The following MEI4 variants were observed in gnomAD, a reference collection of about 807,000 sequenced individuals.
MEI4 encodes the protein meiotic double-stranded break formation protein 4.
In MEI4, 27 loss-of-function variants were observed where a neutral mutation model predicts 31.4. That is an observed-to-expected ratio of 0.86 (90% CI 0.63 to 1.19). The LOEUF is 1.19. Among genes scored for constraint, MEI4 ranks in the 50% most tolerant of loss-of-function variants. MEI4 has a pLI of 0.00. For synonymous variants in MEI4, 122 were observed against 145.4 expected (o/e 0.84, Z 1.16); for missense variants, 329 against 398.9 (o/e 0.82, Z 1.49).
At position 77,924,819 on chromosome 6, in the gene MEI4, G is replaced by GTGAC. The variant is rs767354479; in HGVS notation, c.*1478_*1481dup. On this transcript the variant is annotated 3_prime_UTR_variant, in exon 5 of 5. Coordinates refer to ENST00000684080, the MANE Select transcript of MEI4 (RefSeq NM_001322247.2). The stretch of plus-strand genomic sequence containing the variant: ...ATCAAATGGTCAAGCCCAAAGAAAA[G>GTGAC]TGACTGACAGGGGAGTAGACTTGAG... 4 of 151,878 alleles carry GTGAC rather than the reference G, an allele frequency of 2.6e-5. No individual in the cohort carries two copies. Among genetic ancestry groups the GTGAC allele is most frequent in the Admixed American group, 1.3e-4 (2 of 15,168 alleles). 9.4% of individuals were successfully genotyped at this position (151,878 alleles called of 1,614,324 possible). A position where few individuals can be genotyped will look rare whatever the true frequency, so the allele number is the denominator to read the frequency against.
Position 77,923,472 on chromosome 6 carries a change from T to G in MEI4, c.*126T>G. ...TAGAATTGATCTCTAAATATAATTATCAATTCAACTTAATGGTTAGTCTTA... is the reference window on the plus strand; with the variant it reads ...TAGAATTGATCTCTAAATATAATTAGCAATTCAACTTAATGGTTAGTCTTA... On this transcript the variant is annotated 3_prime_UTR_variant, in exon 5 of 5. Transcript: ENST00000684080. The G allele has an allele frequency of 2.6e-6, 2 of 761,022 alleles. No individual in the cohort carries two copies. The highest frequency in any genetic ancestry group is 1.8e-6 in the Non-Finnish European group (1 of 560,974). The allele number at this position is 761,022 out of a possible 1,614,324, so 47.1% of individuals were successfully genotyped here.
At chr6:77,794,145 A>C (rs889360858) in intron 3 of MEI4, among the ~76,000 whole-genome samples, 6 of 152,240 alleles carry the variant, frequency 3.9e-5, no homozygotes, top group African/African-American at 1.4e-4. Context: ...GGAATGCAGG[A>C]GTGGCTATAC....
At chr6:77,668,100 A>G (rs1022797342) in intron 1 of MEI4, among the ~76,000 whole-genome samples, 4 of 151,900 alleles carry the variant, frequency 2.6e-5, no homozygotes, top group African/African-American at 7.3e-5. Flanking sequence ...TCCACCACCA[A>G]ATTGAATGTT....
chr6:77,798,613 G>C (rs924925468), intron 3 of MEI4, among the ~76,000 whole-genome samples: 1 of 150,418 alleles, frequency 6.6e-6, no homozygotes, highest in Non-Finnish European at 1.5e-5. Flanking sequence ...TTTAGCATTA[G>C]GTATATCTCC....
At chr6:77,745,424 C>T (rs1767566412) in intron 2 of MEI4, among the ~76,000 whole-genome samples, 1 of 152,184 alleles carries the variant, frequency 6.6e-6, no homozygotes, top group South Asian at 2.1e-4. Context: ...AGCTAACTAT[C>T]CTAAATATAT....
At chr6:77,754,916 C>T (rs1403166004) in intron 2 of MEI4, among the ~76,000 whole-genome samples, 2 of 152,184 alleles carry the variant, frequency 1.3e-5, no homozygotes, top group Non-Finnish European at 2.9e-5. Context: ...AGGCCTCTCC[C>T]TTGACATGTG....
rs948094205 is a variant in MEI4, at chr6:77,690,829, T to C, written c.158T>C (p.Ile53Thr). The change falls in exon 2 of 5, where the codon ATC becomes ACC. Residue 53 changes from isoleucine (I) to threonine (T), a missense_variant. Physicochemically the swap from Ile to Thr is moderately conservative, Grantham distance 89. Transcript: ENST00000684080. ...EQSKWRSKVE[I>T]LEAEVMQLRQ... ...TCAAAATGGAGATCAAAAGTTGAAA[T>C]CTTGGAAGCTGAAGTTATGCAATTA... 1 of 1,231,586 alleles carries C rather than the reference T, an allele frequency of 8.1e-7. No individual in the cohort carries two copies. The highest frequency in any genetic ancestry group is 1.0e-6 in the Non-Finnish European group (1 of 987,434). The allele number at this position is 1,231,586 out of a possible 1,614,324, so 76.3% of individuals were successfully genotyped here. A position where few individuals can be genotyped will look rare whatever the true frequency, so the allele number is the denominator to read the frequency against.
chr6:77,678,469 A>G (rs1388017958), intron 1 of MEI4, among the ~76,000 whole-genome samples: 1 of 152,060 alleles, frequency 6.6e-6, no homozygotes, highest in Non-Finnish European at 1.5e-5. Context: ...GTTTCAGTCA[A>G]TGACAGAGTG....
intron 3 of MEI4, among the ~76,000 whole-genome samples, chr6:77,816,437 G>T (rs990755132): frequency 6.6e-6 from 1 of 152,106 alleles, no homozygotes; most frequent in Non-Finnish European, 1.5e-5. Context: ...ATTTAGTCAT[G>T]TTGAAACTTT....
At chr6:77,845,501 A>G (rs1360261816) in intron 4 of MEI4, among the ~76,000 whole-genome samples, 5 of 152,172 alleles carry the variant, frequency 3.3e-5, no homozygotes, top group African/African-American at 4.8e-5. Context: ...GTTATTTAAT[A>G]TATTTGGAAA....
intron 4 of MEI4, among the ~76,000 whole-genome samples, chr6:77,854,223 T>G (rs983767664): frequency 6.6e-6 from 1 of 152,078 alleles, no homozygotes; most frequent in Non-Finnish European, 1.5e-5. Flanking sequence ...ATCTAAATAA[T>G]AGATATTATT....
At chr6:77,730,623 T>G (rs1029775279) in intron 2 of MEI4, among the ~76,000 whole-genome samples, 1 of 151,666 alleles carries the variant, frequency 6.6e-6, no homozygotes, top group Non-Finnish European at 1.5e-5. Flanking sequence ...TTTATTTATT[T>G]ACTTTTATTT....
intron 2 of MEI4, among the ~76,000 whole-genome samples, chr6:77,748,833 G>C (rs945709359): frequency 2.0e-5 from 3 of 152,100 alleles, no homozygotes; most frequent in Non-Finnish European, 4.4e-5. Flanking sequence ...GAAGTTCAAA[G>C]TTCCCAGTAG....
chr6:77,817,678 A>T (rs1323979236), intron 3 of MEI4, among the ~76,000 whole-genome samples: 1 of 152,034 alleles, frequency 6.6e-6, no homozygotes, highest in African/African-American at 2.4e-5. Flanking sequence ...TATTTATGGG[A>T]TAAAATGTGA....
At chr6:77,898,627 A>G (rs1030968660) in intron 4 of MEI4, among the ~76,000 whole-genome samples, 3 of 152,100 alleles carry the variant, frequency 2.0e-5, no homozygotes, top group Admixed American at 6.6e-5. Flanking sequence ...GCTTCTGAAC[A>G]TGTCAGACTA....
intron 2 of MEI4, among the ~76,000 whole-genome samples, chr6:77,732,586 G>C (rs1166525157): frequency 6.6e-6 from 1 of 151,502 alleles, no homozygotes; most frequent in Non-Finnish European, 1.5e-5. Context: ...GGGACAATTT[G>C]ACTTCCTCTT....
chr6:77,819,026 C>G (rs973274707), intron 3 of MEI4, among the ~76,000 whole-genome samples: 1 of 152,166 alleles, frequency 6.6e-6, no homozygotes, highest in Non-Finnish European at 1.5e-5. Flanking sequence ...CCACCACACC[C>G]AGCCTGATAT....
chr6:77,922,556 T>C (rs1178647366), intron 4 of MEI4, among the ~76,000 whole-genome samples: 1 of 151,716 alleles, frequency 6.6e-6, no homozygotes, highest in Non-Finnish European at 1.5e-5. Flanking sequence ...CTAGTCCAAA[T>C]TAAAAGTTCT....
chr6:77,925,434 T>G lies in MEI4; in HGVS notation c.*2088T>G, dbSNP rs1347437580. 1.3e-5 allele frequency: 2 copies of G among 151,730 alleles called. No homozygotes were observed. Among genetic ancestry groups the G allele is most frequent in the Non-Finnish European group, 2.9e-5 (2 of 67,904 alleles). 9.4% of individuals were successfully genotyped at this position (151,730 alleles called of 1,614,324 possible). On this transcript the variant is annotated 3_prime_UTR_variant, in exon 5 of 5. Coordinates refer to ENST00000684080, the MANE Select transcript of MEI4 (RefSeq NM_001322247.2). Reference sequence around the variant, plus strand: ...ATGGTGTAGTAAATTAGTATTAAGGTCCAAATCTACTGGTCAAAAAGAAGA... The same window carrying G: ...ATGGTGTAGTAAATTAGTATTAAGGGCCAAATCTACTGGTCAAAAAGAAGA...
Sources: allele counts gnomAD v4.1 joint callset (sites outside exome capture counted in the v4.1 genomes callset), GRCh38; gene constraint gnomAD v4.1.1; transcripts MANE v1.5; gene names NCBI Gene and HGNC (gene_info 2026-07-23, HGNC 2026-07-21).